The following FSTL4 variants were observed in gnomAD, a reference collection of about 807,000 sequenced individuals.
The protein encoded by FSTL4 is follistatin like 4, also known as follistatin-related protein 4.
A neutral mutation model predicts 78.2 loss-of-function variants in FSTL4; 28 were observed. The ratio of observed to expected loss-of-function variants is 0.36; its 90% CI spans 0.27 to 0.49. The LOEUF (loss-of-function observed/expected upper bound fraction) is 0.49, where lower values mean the gene tolerates loss of function less well. Ranked by LOEUF, FSTL4 falls within the 20% of genes least tolerant of loss-of-function variation. The probability of loss-of-function intolerance (pLI) is 0.98; values close to 1 mark genes in which losing one functional copy is unlikely to be tolerated. For synonymous variants in FSTL4, 422 were observed against 440.5 expected, an observed-to-expected ratio of 0.96 and a Z score of 0.53; for missense variants, 922 against 1,084.9, an observed-to-expected ratio of 0.85 and a Z score of 2.11.
At chr5:133,581,865 C>T (rs10479046) in intron 2 of FSTL4, among the ~76,000 whole-genome samples, 30,971 of 152,258 alleles carry the variant, frequency 0.2, 3,650 homozygotes, top group East Asian at 0.28. Context: ...ACCTTACAAA[C>T]TCTTGCCCCA....
rs1230032990 is a variant in FSTL4 at position 133,440,583 on chromosome 5, G to A, written c.161-39597C>T. Among the ~76,000 whole-genome samples, 1 of 152,238 alleles carries A rather than the reference G, an allele frequency of 6.6e-6. No individual in the cohort carries two copies. The highest frequency in any genetic ancestry group is 1.5e-5 in the Non-Finnish European group (1 of 68,042). On this transcript the variant is annotated intron_variant, in intron 3 of 15. Coordinates refer to ENST00000265342, the MANE Select transcript of FSTL4 (RefSeq NM_015082.2). The surrounding 1 kb of genome is among the most constrained non-coding windows in gnomAD (Gnocchi z 4.1). ...GCCTCCCCAGGATGGATGTGCCAAG[G>A]AGGGCTAATAGTTTTCCATGGAGCT...
intron 3 of FSTL4, among the ~76,000 whole-genome samples, chr5:133,448,604 G>A (rs1561720928): frequency 6.6e-6 from 1 of 152,168 alleles, no homozygotes; most frequent in Admixed American, 6.5e-5. Context: ...TCAGCTCACT[G>A]TCACTGTCCT....
intron 7 of FSTL4, among the ~76,000 whole-genome samples, chr5:133,240,204 G>A (rs372298842): frequency 2.6e-5 from 4 of 152,130 alleles, no homozygotes; most frequent in African/African-American, 9.7e-5. Context: ...AACAAACTCT[G>A]GACACGCTGC....
chr5:133,295,220 G>A (rs746365893), intron 6 of FSTL4, among the ~76,000 whole-genome samples: 9 of 151,874 alleles, frequency 5.9e-5, no homozygotes, highest in Non-Finnish European at 1.3e-4. Flanking sequence ...GTCTGCACAC[G>A]CACCCACCAC....
intron 6 of FSTL4, among the ~76,000 whole-genome samples, chr5:133,305,566 C>T (rs1424307487): frequency 6.6e-6 from 1 of 152,212 alleles, no homozygotes; most frequent in Non-Finnish European, 1.5e-5. Context: ...CGCTCTCTCT[C>T]AGCTCCTACT....
intron 6 of FSTL4, among the ~76,000 whole-genome samples, chr5:133,260,506 G>A (rs946741962): frequency 3.3e-5 from 5 of 152,270 alleles, no homozygotes; most frequent in East Asian, 1.9e-4. Flanking sequence ...TGTGCCAGCC[G>A]TCAGCTCTGC....
chr5:133,369,509 C>T (rs75610399), intron 4 of FSTL4, among the ~76,000 whole-genome samples: 2,909 of 152,206 alleles, frequency 0.019, 98 homozygotes, highest in African/African-American at 0.066. Flanking sequence ...GAGGGAGAAA[C>T]TGAAGCCACC....
intron 14 of FSTL4, among the ~76,000 whole-genome samples, chr5:133,204,314 C>T (rs1237581655): frequency 7.2e-5 from 11 of 152,172 alleles, no homozygotes; most frequent in Admixed American, 4.6e-4. Flanking sequence ...TGTACAAACA[C>T]GTTCATGTAG....
chr5:133,589,130 C>T (rs1366454677), intron 2 of FSTL4, among the ~76,000 whole-genome samples: 1 of 47,518 alleles, frequency 2.1e-5, no homozygotes, highest in Non-Finnish European at 4.5e-5. Context: ...ACTCTGGGGA[C>T]TGTGGTGGGG....
the FSTL4 span, among the ~76,000 whole-genome samples, chr5:133,816,253 G>A: frequency 6.6e-6 from 1 of 152,202 alleles, no homozygotes; most frequent in Non-Finnish European, 1.5e-5. Context: ...CTGGGCTGCT[G>A]GAGCTACTCC....
chr5:133,281,853 G>T (rs1247541115), intron 6 of FSTL4, among the ~76,000 whole-genome samples: 5 of 152,116 alleles, frequency 3.3e-5, no homozygotes, highest in African/African-American at 1.2e-4. Flanking sequence ...CAGGACTTCT[G>T]GGGAGTGTGG....
the FSTL4 span, among the ~76,000 whole-genome samples, chr5:133,706,461 T>A: frequency 6.6e-6 from 1 of 152,150 alleles, no homozygotes; most frequent in Non-Finnish European, 1.5e-5. Context: ...AATTACCAAT[T>A]TTTTCAAGGA....
chr5:133,560,089 G>A (rs555504192), intron 3 of FSTL4, among the ~76,000 whole-genome samples: 12 of 152,316 alleles, frequency 7.9e-5, no homozygotes, highest in East Asian at 3.9e-4. Flanking sequence ...TGACCCCTGC[G>A]TTTCCAAAAC....
At chr5:133,657,759 G>GTTTTTTTTTTTTTTTTT in the FSTL4 span, among the ~76,000 whole-genome samples, 1 of 111,776 alleles carries the variant, frequency 8.9e-6, no homozygotes, top group Non-Finnish European at 1.8e-5. Flanking sequence ...CTAGCTTACT[G>GTTTTTTTTTTTTTTTTT]TTTTTTGTTT....
intron 8 of FSTL4, among the ~76,000 whole-genome samples, chr5:133,227,074 G>A (rs1751356764): frequency 1.3e-5 from 2 of 152,232 alleles, no homozygotes; most frequent in South Asian, 2.1e-4. Flanking sequence ...GTTGGAGGCA[G>A]AGGTGAAAGC....
intron 4 of FSTL4, among the ~76,000 whole-genome samples, chr5:133,353,562 G>A (rs574086475): frequency 6.6e-6 from 1 of 151,562 alleles, no homozygotes; most frequent in Non-Finnish European, 1.5e-5. Context: ...GAAAATGAGG[G>A]AATGTTGTAG....
the FSTL4 span, among the ~76,000 whole-genome samples, chr5:133,753,683 CTGTGTGTGTGTGTGTG>C: frequency 9.1e-5 from 11 of 120,696 alleles, no homozygotes; most frequent in South Asian, 3.1e-4. Context: ...CACATTTGTT[CTGTGTGTGTGTGTGTG>C]TGTGTGTGTG....
chr5:133,301,100 C>T (rs982644152), intron 6 of FSTL4, among the ~76,000 whole-genome samples: 2 of 152,186 alleles, frequency 1.3e-5, no homozygotes, highest in African/African-American at 2.4e-5. Context: ...TGCCATCTGC[C>T]GCAGCACAGG....
intron 6 of FSTL4, among the ~76,000 whole-genome samples, chr5:133,265,268 A>C (rs1453245824): frequency 1.3e-5 from 2 of 152,140 alleles, no homozygotes; most frequent in African/African-American, 4.8e-5. Flanking sequence ...ACACAAGCGG[A>C]ACTGCCGGCC....
Sources: allele counts gnomAD v4.1 joint callset (sites outside exome capture counted in the v4.1 genomes callset), GRCh38; gene constraint gnomAD v4.1.1; non-coding constraint Gnocchi (gnomAD v3.1); transcripts MANE v1.5; gene names NCBI Gene and HGNC (gene_info 2026-07-23, HGNC 2026-07-21).